Variants in CCDC88C observed in about 807,000 individuals in gnomAD.
CCDC88C encodes the protein protein Daple.
CCDC88C carries 131 observed loss-of-function variants against 198.8 expected under a neutral mutation model. That is an observed-to-expected ratio of 0.66 (90% CI 0.57 to 0.76). The LOEUF is 0.76. Among genes scored for constraint, CCDC88C ranks in the 30% least tolerant of loss-of-function variants. The pLI, the probability that CCDC88C is intolerant of heterozygous loss-of-function variation, is 0.00. For synonymous variants in CCDC88C, 1,166 were observed against 1,114.7 expected (o/e 1.05, Z -0.92); for missense variants, 2,553 against 2,631.6 (o/e 0.97, Z 0.65).
Position 91,324,774 on chromosome 14 carries a change from C to A in CCDC88C, c.1342+5G>T. The A allele has an allele frequency of 6.2e-7, 1 of 1,609,800 alleles. No homozygotes were observed. The highest frequency in any genetic ancestry group is 8.5e-7 in the Non-Finnish European group (1 of 1,179,856). On this transcript the variant is annotated splice_donor_5th_base_variant and intron_variant, in intron 12 of 29. Transcript: ENST00000389857. ...GCTGGCTCCCCGGCACCAGGCGCTA[C>A]CTACCGTCTGACAAGTCTGCGTTCT...
intron 3 of CCDC88C, among the ~76,000 whole-genome samples, chr14:91,361,129 T>C (rs75016089): frequency 8.5e-6 from 1 of 117,920 alleles, no homozygotes; most frequent in Non-Finnish European, 1.8e-5. Context: ...ACCCTGTCTA[T>C]AAAAAAAAAA....
At chr14:91,407,353 A>G (rs1170798973) in intron 3 of CCDC88C, among the ~76,000 whole-genome samples, 1 of 152,210 alleles carries the variant, frequency 6.6e-6, no homozygotes, top group Admixed American at 6.5e-5. Flanking sequence ...CGGCTTCCTC[A>G]TGTCAACAGA....
At chr14:91,342,841 A>T (rs1893365390) in intron 5 of CCDC88C, among the ~76,000 whole-genome samples, 1 of 152,230 alleles carries the variant, frequency 6.6e-6, no homozygotes, top group African/African-American at 2.4e-5. Flanking sequence ...AAAAAGCCAG[A>T]TGGTAAATAT....
At chr14:91,279,960 T>C (rs916927909) in intron 27 of CCDC88C, 2 of 152,278 alleles carry the variant, frequency 1.3e-5, no homozygotes, top group Non-Finnish European at 2.9e-5. Flanking sequence ...TGAGGGCACC[T>C]GCCCACCTGG....
At position 91,338,506 on chromosome 14, in the gene CCDC88C, G is replaced by A; in HGVS notation, c.874C>T (p.Gln292Ter). ...CGACTCACCTCCTGCTTAACTTTCT[G>A]CAGTTCCAGCACCAGCTGGTCCACC... The part of the protein sequence containing the change: ...HEVDQLVLEL[Q>*]KVKQENIQLA... The change falls in exon 9 of 30, where the codon CAG becomes TAG. Residue 292 changes from glutamine (Q) to a stop codon, truncating the protein, a stop_gained. Coordinates refer to ENST00000389857, the MANE Select transcript of CCDC88C (RefSeq NM_001080414.4). LOFTEE classifies it high-confidence loss of function. The surrounding 1 kb of genome is among the most constrained non-coding windows in gnomAD (Gnocchi z 4.8). 6.4e-7 allele frequency: 1 copy of A among 1,569,036 alleles called. No homozygotes were observed. Among genetic ancestry groups the A allele is most frequent in the Non-Finnish European group, 8.6e-7 (1 of 1,157,304 alleles).
intron 6 of CCDC88C, 167 bp downstream of exon 6, chr14:91,342,213 C>G (rs138245099): frequency 1.7e-5 from 7 of 422,570 alleles, no homozygotes; most frequent in African/African-American, 1.0e-4. Context: ...TGATGGCTAT[C>G]TTTCCAAATA....
chr14:91,347,346 C>A (rs1481661731), intron 4 of CCDC88C, among the ~76,000 whole-genome samples: 2 of 152,168 alleles, frequency 1.3e-5, no homozygotes, highest in South Asian at 2.1e-4. Context: ...CACATTACAA[C>A]AGCAAATTAA....
intron 25 of CCDC88C, among the ~76,000 whole-genome samples, chr14:91,287,291 A>G (rs1890451358): frequency 6.6e-6 from 1 of 152,026 alleles, no homozygotes; most frequent in Non-Finnish European, 1.5e-5. Context: ...TACGGTGCTG[A>G]CTCTATCTAA....
chr14:91,316,197 C>A (rs577162753), intron 13 of CCDC88C, among the ~76,000 whole-genome samples: 2 of 152,276 alleles, frequency 1.3e-5, no homozygotes, highest in African/African-American at 4.8e-5. Flanking sequence ...AAATGTGTCA[C>A]CAAGCCCTGT....
Position 91,338,050 on chromosome 14 carries a change from G to T in CCDC88C, c.1005C>A (p.Cys335Ter). 6.2e-7 allele frequency: 1 copy of T among 1,613,538 alleles called. No homozygotes were observed. The highest frequency in any genetic ancestry group is 8.5e-7 in the Non-Finnish European group (1 of 1,179,900). ...AGTCCACGTCGTGCAGCTTCTCCTTGCAGCGGGTCAGCTCCAGCTCCAGCC... is the reference window on the plus strand; with the variant it reads ...AGTCCACGTCGTGCAGCTTCTCCTTTCAGCGGGTCAGCTCCAGCTCCAGCC... Reference protein sequence around the residue: ...VERLELELTRCKEKLHDVDFY... With the variant: ...VERLELELTR The change falls in exon 10 of 30, where the codon TGC becomes TGA. Residue 335 changes from cysteine to a stop codon, truncating the protein, a stop_gained. Coordinates refer to ENST00000389857, the MANE Select transcript of CCDC88C (RefSeq NM_001080414.4). LOFTEE classifies it high-confidence loss of function. The surrounding 1 kb of genome is among the most constrained non-coding windows in gnomAD (Gnocchi z 4.8).
chr14:91,304,844 A>G (rs1420413866), intron 19 of CCDC88C, among the ~76,000 whole-genome samples: 2 of 152,260 alleles, frequency 1.3e-5, no homozygotes, highest in African/African-American at 4.8e-5. Context: ...GTAAGTCAAT[A>G]TACTATTTTC....
intron 3 of CCDC88C, among the ~76,000 whole-genome samples, chr14:91,398,858 G>A (rs1172276204): frequency 2.0e-5 from 3 of 152,070 alleles, no homozygotes; most frequent in South Asian, 2.1e-4. Context: ...CCCTGGGGGC[G>A]CACAGGTCTG....
At chr14:91,305,554 G>A (rs758966322) in intron 19 of CCDC88C, among the ~76,000 whole-genome samples, 3 of 152,154 alleles carry the variant, frequency 2.0e-5, no homozygotes, top group Non-Finnish European at 2.9e-5. Flanking sequence ...GGCCCATGCA[G>A]CCATTTTCTC....
intron 3 of CCDC88C, among the ~76,000 whole-genome samples, chr14:91,365,168 T>TCCCTCCC (rs1894476599): frequency 6.7e-6 from 1 of 149,364 alleles, no homozygotes; most frequent in African/African-American, 2.5e-5. Context: ...CTCCTCCAAC[T>TCCCTCCC]CCCTCACCCC....
At chr14:91,349,425 A>G (rs567969688) in intron 4 of CCDC88C, among the ~76,000 whole-genome samples, 186 of 152,352 alleles carry the variant, frequency 1.2e-3, no homozygotes, top group Admixed American at 2.6e-3. Context: ...TTGTCAAAGT[A>G]TAAGTGCTTT....
intron 3 of CCDC88C, among the ~76,000 whole-genome samples, chr14:91,389,221 G>C (rs1016231125): frequency 1.3e-5 from 2 of 152,122 alleles, no homozygotes; most frequent in South Asian, 2.1e-4. Flanking sequence ...GGACAGGTAC[G>C]GTGAGGAGGG....
chr14:91,288,989 C>T lies in CCDC88C; in HGVS notation c.4441+116G>A, dbSNP rs762005222. The T allele has an allele frequency of 3.9e-6, 3 of 779,154 alleles. No homozygotes were observed. Among genetic ancestry groups the T allele is most frequent in the Admixed American group, 2.1e-5 (1 of 48,556 alleles). 48.3% of individuals were successfully genotyped at this position (779,154 alleles called of 1,614,324 possible). On this transcript the variant is annotated intron_variant, in intron 25 of 29. Coordinates refer to ENST00000389857, the MANE Select transcript of CCDC88C (RefSeq NM_001080414.4). The surrounding 1 kb of genome is among the most constrained non-coding windows in gnomAD (Gnocchi z 4.2). Reference sequence around the variant, plus strand: ...CTCGTAACACATCTAAGCGAAGGCGCACATGCAGTCACCCACCCCTGGCAC... The same window carrying T: ...CTCGTAACACATCTAAGCGAAGGCGTACATGCAGTCACCCACCCCTGGCAC...
intron 3 of CCDC88C, among the ~76,000 whole-genome samples, chr14:91,362,657 C>T (rs1305731501): frequency 1.3e-5 from 2 of 152,066 alleles, no homozygotes; most frequent in African/African-American, 2.4e-5. Flanking sequence ...TTGCCGGGCG[C>T]GGTGGCTCAC....
At chr14:91,276,014 G>A (rs1889947735) in intron 29 of CCDC88C, among the ~76,000 whole-genome samples, 1 of 151,598 alleles carries the variant, frequency 6.6e-6, no homozygotes, top group South Asian at 2.1e-4. Context: ...TAGAGACGGG[G>A]TTTCACCGTG....
Sources: allele counts gnomAD v4.1 joint callset (sites outside exome capture counted in the v4.1 genomes callset), GRCh38; gene constraint gnomAD v4.1.1; non-coding constraint Gnocchi (gnomAD v3.1); transcripts MANE v1.5; gene names NCBI Gene and HGNC (gene_info 2026-07-23, HGNC 2026-07-21).